The following TNNI3K variants were observed in gnomAD, a reference collection of about 807,000 sequenced individuals.
TNNI3K encodes serine/threonine-protein kinase TNNI3K.
A neutral mutation model predicts 114.5 loss-of-function variants in TNNI3K; 140 were observed. That is an observed-to-expected ratio of 1.22 (90% CI 1.07 to 1.41). The LOEUF is 1.41. Ranked by LOEUF, TNNI3K falls within the 40% of genes most tolerant of loss-of-function variation. The pLI is 0.00. For missense variants in TNNI3K, 1,125 were observed against 1,007.6 expected (o/e 1.12, Z -1.58); for synonymous variants, 347 against 347.5 (o/e 1.00, Z 0.02).
chr1:74,435,955 T>C (rs977206059), intron 17 of TNNI3K, 125 bp from the exon 18 acceptor site: 6 of 1,263,604 alleles, frequency 4.7e-6, no homozygotes, highest in South Asian at 1.8e-5. Context: ...TTTAGCCCTT[T>C]GGGGCCCATT....
chr1:74,468,990 G>A (rs927565768), intron 21 of TNNI3K: 2 of 152,166 alleles, frequency 1.3e-5, no homozygotes, highest in African/African-American at 4.8e-5. Flanking sequence ...CAGTGTATAA[G>A]GAGGAGTTCT....
chr1:74,481,272 T>C (rs1668487265), intron 21 of TNNI3K, among the ~76,000 whole-genome samples: 1 of 152,182 alleles, frequency 6.6e-6, no homozygotes, highest in African/African-American at 2.4e-5. Context: ...ATCGATGTTA[T>C]TTTGAAGGTG....
At chr1:74,490,613 T>A (rs1269954772) in intron 22 of TNNI3K, among the ~76,000 whole-genome samples, 1 of 152,196 alleles carries the variant, frequency 6.6e-6, no homozygotes, top group Admixed American at 6.5e-5. Context: ...TGGACTGAGT[T>A]GCACTAATTA....
chr1:74,367,095 T>C (rs191436340), intron 11 of TNNI3K, among the ~76,000 whole-genome samples, 161 bp from the exon 12 acceptor site: 1 of 152,148 alleles, frequency 6.6e-6, no homozygotes, highest in African/African-American at 2.4e-5. Flanking sequence ...AGAAATCATT[T>C]TGAACCAAAG....
At chr1:74,355,629 A>AAATG (rs1661614433) in intron 11 of TNNI3K, among the ~76,000 whole-genome samples, 1 of 151,944 alleles carries the variant, frequency 6.6e-6, no homozygotes. Flanking sequence ...ATAAATAAAT[A>AAATG]AATGAATAAA....
chr1:74,475,577 G>T, intron 21 of TNNI3K: 2 of 717,362 alleles, frequency 2.8e-6, no homozygotes, highest in Non-Finnish European at 5.2e-6. Context: ...CTATTTTCCT[G>T]TAAAAGTGGC....
At chr1:74,353,064 C>T (rs539041645) in intron 9 of TNNI3K, among the ~76,000 whole-genome samples, 25 of 152,302 alleles carry the variant, frequency 1.6e-4, no homozygotes, top group Admixed American at 8.5e-4. Context: ...GAGCTGTAGA[C>T]TGGAGCTGTT....
At chr1:74,428,625 C>A (rs992541715) in intron 17 of TNNI3K, among the ~76,000 whole-genome samples, 1 of 151,942 alleles carries the variant, frequency 6.6e-6, no homozygotes, top group African/African-American at 2.4e-5. Flanking sequence ...CCAAGGTACA[C>A]GGAGGTGTCA....
chr1:74,352,939 A>G (rs910310188), intron 9 of TNNI3K, among the ~76,000 whole-genome samples: 2 of 152,054 alleles, frequency 1.3e-5, no homozygotes, highest in African/African-American at 4.8e-5. Context: ...GCCTCGCCCT[A>G]CTTCGGCTCA....
intron 4 of TNNI3K, among the ~76,000 whole-genome samples, chr1:74,259,505 G>A (rs1311781873): frequency 6.6e-6 from 1 of 152,172 alleles, no homozygotes; most frequent in Non-Finnish European, 1.5e-5. Flanking sequence ...ATGCTGGCAG[G>A]GCATAGTGGC....
At chr1:74,494,252 A>T (rs1462542150) in intron 23 of TNNI3K, among the ~76,000 whole-genome samples, 2 of 152,220 alleles carry the variant, frequency 1.3e-5, no homozygotes, top group African/African-American at 2.4e-5. Flanking sequence ...GGAAAAGATT[A>T]TCTGGAGTTA....
intron 4 of TNNI3K, among the ~76,000 whole-genome samples, 161 bp downstream of exon 4, chr1:74,250,930 C>G (rs1408151589): frequency 6.6e-6 from 1 of 151,230 alleles, no homozygotes; most frequent in Non-Finnish European, 1.5e-5. Flanking sequence ...GAGCAGATAC[C>G]TGCTGCATAC....
intron 17 of TNNI3K, among the ~76,000 whole-genome samples, chr1:74,401,107 C>T (rs959686052): frequency 5.9e-5 from 9 of 152,184 alleles, no homozygotes; most frequent in African/African-American, 1.4e-4. Flanking sequence ...TTGTTCTGTA[C>T]TGGCAAAGGC....
intron 4 of TNNI3K, among the ~76,000 whole-genome samples, chr1:74,266,710 T>C (rs747986645): frequency 6.6e-6 from 1 of 152,000 alleles, no homozygotes; most frequent in Non-Finnish European, 1.5e-5. Context: ...CTCTGTGATA[T>C]AGTGGTTGCT....
chr1:74,507,448 G>A (rs541344519), intron 23 of TNNI3K, among the ~76,000 whole-genome samples: 4 of 152,116 alleles, frequency 2.6e-5, no homozygotes, highest in South Asian at 2.1e-4. Flanking sequence ...ACATGCGCAC[G>A]CACTTACACA....
chr1:74,378,811 G>A (rs1362439572), intron 17 of TNNI3K: 1 of 150,944 alleles, frequency 6.6e-6, no homozygotes, highest in African/African-American at 2.4e-5. Context: ...CCTAGAAGAA[G>A]AGGAAATGAG....
At chr1:74,502,419 A>G (rs970154376) in intron 23 of TNNI3K, among the ~76,000 whole-genome samples, 6 of 152,236 alleles carry the variant, frequency 3.9e-5, no homozygotes, top group African/African-American at 1.4e-4. Context: ...AGAAACTCAA[A>G]TAATGTAAGC....
rs140379966 is a variant in TNNI3K, at chr1:74,257,816, C to T, written c.333+7047C>T. 1.2e-4 allele frequency among the ~76,000 whole-genome samples: 18 copies of T among 151,916 alleles called. No individual in the cohort carries two copies. In the East Asian group the frequency reaches 3.3e-3, roughly 28 times the overall value. On this transcript the variant is annotated intron_variant, in intron 4 of 24. Coordinates refer to ENST00000326637, the MANE Select transcript of TNNI3K (RefSeq NM_015978.3). ...CGGAGTAGCTGGGGCTACAGGCGCC[C>T]GCCACCACGCCCGGCTAATTTTTTG...
chr1:74,306,084 C>G (rs1397942021), intron 5 of TNNI3K, among the ~76,000 whole-genome samples: 1 of 152,038 alleles, frequency 6.6e-6, no homozygotes, highest in Non-Finnish European at 1.5e-5. Context: ...GTTTAGATCC[C>G]TCTTATAAGT....
Sources: gnomAD v4.1 joint callset for allele counts (sites outside exome capture counted in the v4.1 genomes callset) on GRCh38, gnomAD v4.1.1 for gene constraint, MANE v1.5 for transcripts, NCBI Gene and HGNC (gene_info 2026-07-23, HGNC 2026-07-21) for gene names.